The following ANKS1B variants were observed in gnomAD, a reference collection of about 807,000 sequenced individuals.
ANKS1B encodes ankyrin repeat and sterile alpha motif domain-containing protein 1B.
ANKS1B carries 36 observed loss-of-function variants against 148.3 expected under a neutral mutation model. The ratio of observed to expected loss-of-function variants is 0.24; its 90% CI spans 0.19 to 0.32. ANKS1B has a LOEUF of 0.32. Ranked by LOEUF, ANKS1B falls within the 10% of genes least tolerant of loss-of-function variation. The pLI, the probability that ANKS1B is intolerant of heterozygous loss-of-function variation, is 1.00. For missense variants in ANKS1B, 1,157 were observed against 1,542.6 expected, an observed-to-expected ratio of 0.75 and a Z score of 4.19; for synonymous variants, 542 against 560.8, an observed-to-expected ratio of 0.97 and a Z score of 0.47.
intron 17 of ANKS1B, among the ~76,000 whole-genome samples, chr12:98,992,916 C>T (rs2099927475): frequency 6.9e-6 from 1 of 144,790 alleles, no homozygotes. Flanking sequence ...TTTTTTCCCT[C>T]AAGTAGTTTC....
At chr12:99,825,464 G>T in intron 1 of ANKS1B, 75 bp from the exon 2 acceptor site, 1 of 1,147,702 alleles carries the variant, frequency 8.7e-7, no homozygotes, top group Non-Finnish European at 1.3e-6. Flanking sequence ...AAGGCTGGTA[G>T]CCCCACAGTC....
intron 17 of ANKS1B, among the ~76,000 whole-genome samples, chr12:98,859,015 C>A (rs1197296063): frequency 1.3e-5 from 2 of 152,098 alleles, no homozygotes; most frequent in African/African-American, 4.8e-5. Flanking sequence ...GTGGGTAAAT[C>A]CTTATTTTCA....
intron 11 of ANKS1B, among the ~76,000 whole-genome samples, chr12:99,419,280 C>T (rs2152705835): frequency 6.6e-6 from 1 of 152,192 alleles, no homozygotes; most frequent in South Asian, 2.1e-4. Context: ...AATTCCATTT[C>T]ATTAATAGTT....
chr12:99,266,451 A>G (rs543945215), intron 12 of ANKS1B, among the ~76,000 whole-genome samples: 1 of 152,294 alleles, frequency 6.6e-6, no homozygotes, highest in East Asian at 1.9e-4. Flanking sequence ...GAGCAACACT[A>G]GAAAGGTTAA....
chr12:99,292,514 C>CA (rs58344288), intron 12 of ANKS1B, among the ~76,000 whole-genome samples: 2,680 of 119,964 alleles, frequency 0.022, 68 homozygotes, highest in East Asian at 0.1. Flanking sequence ...GACTCCATCT[C>CA]AAAAAAAAAA....
rs186434607 is a variant in ANKS1B at position 99,128,908 on chromosome 12, A to G, written c.2526+25381T>C. Among the ~76,000 whole-genome samples, 17 of 152,360 alleles carry G rather than the reference A, an allele frequency of 1.1e-4. No homozygotes were observed. In the East Asian group the frequency reaches 2.5e-3, roughly 22 times the overall value. ...CAAAAGACAGAACATCCTGGAGAATAGAGCCACTCTTTGACTGGAAGCTTG... is the reference window on the plus strand; with the variant it reads ...CAAAAGACAGAACATCCTGGAGAATGGAGCCACTCTTTGACTGGAAGCTTG... On this transcript the variant is annotated intron_variant, in intron 15 of 26. Transcript: ENST00000683438.
intron 1 of ANKS1B, among the ~76,000 whole-genome samples, chr12:99,845,334 C>T (rs145385289): frequency 1.8e-4 from 27 of 152,214 alleles, no homozygotes; most frequent in African/African-American, 6.3e-4. Context: ...CCAGCTTTTG[C>T]TCACTCAGTA....
chr12:99,782,139 T>C (rs1278899421), intron 4 of ANKS1B, 42 bp from the exon 5 acceptor site: 1 of 1,470,490 alleles, frequency 6.8e-7, no homozygotes, highest in Non-Finnish European at 9.2e-7. Context: ...ACGGTTGCAT[T>C]TGGAATGCTT....
chr12:99,700,188 C>T (rs1600036716), intron 8 of ANKS1B, among the ~76,000 whole-genome samples: 1 of 152,270 alleles, frequency 6.6e-6, no homozygotes, highest in Non-Finnish European at 1.5e-5. Context: ...TAGAGGGATA[C>T]TTCACAAAAG....
chr12:99,101,132 C>T (rs2057832992), intron 15 of ANKS1B, among the ~76,000 whole-genome samples: 1 of 152,092 alleles, frequency 6.6e-6, no homozygotes, highest in African/African-American at 2.4e-5. Context: ...AGGGAGAGAC[C>T]AGGTAGCCAG....
At position 99,371,970 on chromosome 12, in the gene ANKS1B, T is replaced by C. The variant is rs188023827; in HGVS notation, c.1756+27661A>G. The stretch of plus-strand genomic sequence containing the variant: ...AACACTATTATTATTTCTTTAAAAT[T>C]GGTGACACAGAGGGATGACTAGGCA... On this transcript the variant is annotated intron_variant, in intron 12 of 26. Transcript: ENST00000683438. 7.2e-5 allele frequency among the ~76,000 whole-genome samples: 11 copies of C among 152,248 alleles called. No homozygotes were observed. The East Asian group carries it at 1.9e-3, about 27-fold the overall frequency.
At chr12:98,872,129 C>G (rs2099672186) in intron 17 of ANKS1B, among the ~76,000 whole-genome samples, 1 of 152,166 alleles carries the variant, frequency 6.6e-6, no homozygotes, top group African/African-American at 2.4e-5. Flanking sequence ...TCAAACACTA[C>G]CAAAGACTAA....
At chr12:98,976,567 G>C (rs879711866) in intron 17 of ANKS1B, 1 of 152,144 alleles carries the variant, frequency 6.6e-6, no homozygotes, top group African/African-American at 2.4e-5. Context: ...CCAAGATCCC[G>C]ACGGTTTATA....
At chr12:98,808,431 G>A (rs1030716192) in intron 19 of ANKS1B, among the ~76,000 whole-genome samples, 5 of 152,072 alleles carry the variant, frequency 3.3e-5, no homozygotes, top group African/African-American at 9.7e-5. Flanking sequence ...GAGTTCTTAC[G>A]GGCAAAACTC....
chr12:99,288,109 G>A (rs998187855), intron 12 of ANKS1B, among the ~76,000 whole-genome samples: 2 of 152,096 alleles, frequency 1.3e-5, no homozygotes, highest in Non-Finnish European at 2.9e-5. Context: ...ACTACTTTAA[G>A]TCTTTTAATA....
intron 9 of ANKS1B, among the ~76,000 whole-genome samples, chr12:99,642,499 G>C (rs185896002): frequency 6.6e-6 from 1 of 152,288 alleles, no homozygotes; most frequent in Non-Finnish European, 1.5e-5. Context: ...GGTGTTAGCA[G>C]GGCTGGTTAC....
intron 17 of ANKS1B, among the ~76,000 whole-genome samples, chr12:98,855,348 C>T (rs2099560371): frequency 6.6e-6 from 1 of 152,312 alleles, no homozygotes; most frequent in East Asian, 1.9e-4. Context: ...AGGGCCAAAA[C>T]CTGTTCTTCT....
At chr12:98,749,524 T>C (rs1421700675) in intron 26 of ANKS1B, among the ~76,000 whole-genome samples, 1 of 152,172 alleles carries the variant, frequency 6.6e-6, no homozygotes, top group Admixed American at 6.5e-5. Context: ...ACTGGGTATC[T>C]ATGTCAGATT....
At chr12:98,941,908 T>A (rs2099837373) in intron 17 of ANKS1B, among the ~76,000 whole-genome samples, 2 of 152,138 alleles carry the variant, frequency 1.3e-5, no homozygotes, top group South Asian at 2.1e-4. Context: ...GCCAAAACTG[T>A]CAGTAGAGTA....
Sources: allele counts gnomAD v4.1 joint callset (sites outside exome capture counted in the v4.1 genomes callset), GRCh38; gene constraint gnomAD v4.1.1; transcripts MANE v1.5; gene names NCBI Gene and HGNC (gene_info 2026-07-23, HGNC 2026-07-21).